The following GLYATL3 variants were observed in gnomAD, a reference collection of about 807,000 sequenced individuals.
GLYATL3 encodes glycine-N-acyltransferase like 3.
A neutral mutation model predicts 28.5 loss-of-function variants in GLYATL3; 31 were observed. The ratio of observed to expected loss-of-function variants is 1.09; its 90% CI spans 0.82 to 1.47. The LOEUF (loss-of-function observed/expected upper bound fraction) is 1.47, where lower values mean the gene tolerates loss of function less well. Among genes scored for constraint, GLYATL3 ranks in the 40% most tolerant of loss-of-function variants. The probability of loss-of-function intolerance (pLI) is 0.00; values close to 1 mark genes in which losing one functional copy is unlikely to be tolerated. For synonymous variants in GLYATL3, 141 were observed against 140.2 expected (o/e 1.01, Z -0.04); for missense variants, 369 against 351.5 (o/e 1.05, Z -0.40).
Position 49,526,570 on chromosome 6 carries a change from G to A in GLYATL3, c.523G>A (p.Glu175Lys). 2 of 1,551,900 alleles carry A rather than the reference G, an allele frequency of 1.3e-6. No individual in the cohort carries two copies. The highest frequency in any genetic ancestry group is 2.4e-5 in the South Asian group (2 of 84,048). Residue 175 changes from glutamate (E) to lysine (K), a missense_variant, in exon 6 of 6, where the codon GAA (glutamate) becomes AAA (lysine). By Grantham distance (56) the Glu-to-Lys change is moderately conservative. Transcript: ENST00000371197. ...CCGGACTTGGTCCCGGGGAGGCAAT[G>A]AACAATGTCTCCGGTACATCGCCAA... ...LNRTWSRGGN[E>K]QCLRYIANLI...
chr6:49,523,272 C>T (rs947176779), intron 5 of GLYATL3, among the ~76,000 whole-genome samples: 2 of 152,186 alleles, frequency 1.3e-5, no homozygotes, highest in Non-Finnish European at 2.9e-5. Flanking sequence ...ATGTGTAAAA[C>T]GTTTCAAACT....
chr6:49,500,728 C>A (rs1468614035), intron 1 of GLYATL3, among the ~76,000 whole-genome samples: 1 of 152,098 alleles, frequency 6.6e-6, no homozygotes, highest in Non-Finnish European at 1.5e-5. Context: ...ACTTCCAATT[C>A]CAGAACATAC....
intron 2 of GLYATL3, among the ~76,000 whole-genome samples, chr6:49,514,819 C>T (rs1033205148): frequency 1.1e-4 from 16 of 151,936 alleles, no homozygotes; most frequent in African/African-American, 2.2e-4. Context: ...GGTGACAGAG[C>T]GAGACTGAGG....
chr6:49,506,911 C>T (rs1387544031), intron 1 of GLYATL3, among the ~76,000 whole-genome samples: 2 of 151,864 alleles, frequency 1.3e-5, no homozygotes, highest in Non-Finnish European at 2.9e-5. Flanking sequence ...AAGAAGGGGT[C>T]CCGGAGTGTT....
chr6:49,504,734 A>C (rs1192697907), intron 1 of GLYATL3, among the ~76,000 whole-genome samples: 1 of 152,068 alleles, frequency 6.6e-6, no homozygotes, highest in East Asian at 1.9e-4. Context: ...TGATGAAAAA[A>C]ATTTTTAATA....
In GLYATL3 at chr6:49,527,941, A is replaced by G. The variant is rs1769453161; in HGVS notation, c.*1027A>G. Among the ~76,000 whole-genome samples, 1 of 152,188 alleles carries G rather than the reference A, an allele frequency of 6.6e-6. No homozygotes were observed. Among genetic ancestry groups the G allele is most frequent in the African/African-American group, 2.4e-5 (1 of 41,456 alleles). ...AGAGAAAATAAATGACTTTTTCAAG[A>G]TTATATTCTTTATAATCAGTACTGG... On this transcript the variant is annotated 3_prime_UTR_variant, in exon 6 of 6. Transcript: ENST00000371197.
At chr6:49,516,247 T>C (rs1201101451) in intron 3 of GLYATL3, among the ~76,000 whole-genome samples, 1 of 152,046 alleles carries the variant, frequency 6.6e-6, no homozygotes, top group Non-Finnish European at 1.5e-5. Context: ...ATGCCCAGCC[T>C]CAGCATTAGT....
intron 5 of GLYATL3, 44 bp downstream of exon 5, chr6:49,521,815 A>G (rs1345966972): frequency 6.6e-7 from 1 of 1,519,284 alleles, no homozygotes; most frequent in Non-Finnish European, 8.9e-7. Context: ...ACTTACTGCT[A>G]TAGAAGTACA....
At chr6:49,500,400 A>G (rs1169498586) in intron 1 of GLYATL3, among the ~76,000 whole-genome samples, 1 of 152,158 alleles carries the variant, frequency 6.6e-6, no homozygotes, top group East Asian at 1.9e-4. Context: ...CCAAGTGCTT[A>G]AAAAAATGTA....
At chr6:49,515,873 A>C in intron 3 of GLYATL3, 113 bp downstream of exon 3, 1 of 585,420 alleles carries the variant, frequency 1.7e-6, no homozygotes, top group Non-Finnish European at 3.0e-6. Flanking sequence ...ACACTGTTTC[A>C]CCATTCATTT....
At chr6:49,524,057 A>T (rs1326654819) in intron 5 of GLYATL3, among the ~76,000 whole-genome samples, 7 of 151,852 alleles carry the variant, frequency 4.6e-5, no homozygotes, top group Non-Finnish European at 1.0e-4. Flanking sequence ...TTTGCCTTTA[A>T]CACCTAAGTC....
At chr6:49,524,614 T>C (rs914092726) in intron 5 of GLYATL3, among the ~76,000 whole-genome samples, 1 of 152,174 alleles carries the variant, frequency 6.6e-6, no homozygotes, top group Non-Finnish European at 1.5e-5. Context: ...TAGTGGCCTA[T>C]ACAAATACTG....
chr6:49,515,169 T>C (rs1480613), intron 2 of GLYATL3, among the ~76,000 whole-genome samples: 70,456 of 151,998 alleles, frequency 0.46, 17,141 homozygotes, highest in East Asian at 0.62. Flanking sequence ...CCTCTAATGA[T>C]GTCTAATTGT....
chr6:49,518,146 G>A (rs1769249569), intron 4 of GLYATL3, among the ~76,000 whole-genome samples: 1 of 152,106 alleles, frequency 6.6e-6, no homozygotes, highest in African/African-American at 2.4e-5. Context: ...TCAGCTTCCT[G>A]AGTAGCTAGG....
At position 49,527,522 on chromosome 6, in the gene GLYATL3, T is replaced by C. The variant is rs1036214024; in HGVS notation, c.*608T>C. Among the ~76,000 whole-genome samples, 1 of 152,212 alleles carries C rather than the reference T, an allele frequency of 6.6e-6. No individual in the cohort carries two copies. On this transcript the variant is annotated 3_prime_UTR_variant, in exon 6 of 6. Coordinates refer to ENST00000371197, the MANE Select transcript of GLYATL3 (RefSeq NM_001010904.2). Reference sequence around the variant, plus strand: ...TCTTACATTTTAGTGTTTATCAGAATCACCCAGAGGGCAGGTTGCAACACA... The same window carrying C: ...TCTTACATTTTAGTGTTTATCAGAACCACCCAGAGGGCAGGTTGCAACACA...
intron 4 of GLYATL3, 49 bp downstream of exon 4, chr6:49,517,605 T>G: frequency 7.1e-7 from 1 of 1,406,896 alleles, no homozygotes; most frequent in Non-Finnish European, 9.6e-7. Flanking sequence ...TTTTCCTCCT[T>G]AGCATATATC....
At chr6:49,511,197 A>G (rs889986021) in intron 1 of GLYATL3, among the ~76,000 whole-genome samples, 1 of 152,204 alleles carries the variant, frequency 6.6e-6, no homozygotes, top group African/African-American at 2.4e-5. Context: ...CCTGATTGGA[A>G]TGCCAGAAAA....
At chr6:49,511,310 CT>C (rs1380764860) in intron 1 of GLYATL3, among the ~76,000 whole-genome samples, 1 of 152,112 alleles carries the variant, frequency 6.6e-6, no homozygotes, top group Non-Finnish European at 1.5e-5. Context: ...TTAGGCCCTT[CT>C]TTTTTCTTTA....
chr6:49,511,081 T>C (rs1407671110), intron 1 of GLYATL3, among the ~76,000 whole-genome samples: 1 of 152,194 alleles, frequency 6.6e-6, no homozygotes, highest in Non-Finnish European at 1.5e-5. Flanking sequence ...TTCTCCTGTC[T>C]AGCTGAGTTC....
Sources: allele counts gnomAD v4.1 joint callset (sites outside exome capture counted in the v4.1 genomes callset), GRCh38; gene constraint gnomAD v4.1.1; transcripts MANE v1.5; gene names NCBI Gene and HGNC (gene_info 2026-07-23, HGNC 2026-07-21).